The following POR variants were observed in gnomAD, a reference collection of about 807,000 sequenced individuals.
POR encodes the protein NADPH--cytochrome P450 reductase.
In POR, 56 loss-of-function variants were observed where a neutral mutation model predicts 84.0. The observed-to-expected ratio is 0.67, with a 90% CI of 0.54 to 0.83. The LOEUF (loss-of-function observed/expected upper bound fraction) is 0.83, where lower values mean the gene tolerates loss of function less well. POR is among the 40% of genes least tolerant of loss of function. POR has a pLI of 0.00. For missense variants in POR, 938 were observed against 944.3 expected (o/e 0.99, Z 0.09); for synonymous variants, 414 against 400.5 (o/e 1.03, Z -0.40).
Position 75,981,550 on chromosome 7 carries a change from G to A in POR, c.675G>A (p.Gln225=). 1 of 1,613,154 alleles carries A rather than the reference G, an allele frequency of 6.2e-7. No homozygotes were observed. The highest frequency in any genetic ancestry group is 8.5e-7 in the Non-Finnish European group (1 of 1,179,740). Reference sequence around the variant, plus strand: ...AGGACTTCATCACCTGGCGAGAGCAGTTCTGGCCGGCCGTGTGTGAACACT... The same window carrying A: ...AGGACTTCATCACCTGGCGAGAGCAATTCTGGCCGGCCGTGTGTGAACACT... The change falls in exon 7 of 16, where the codon CAG becomes CAA. Residue 225 remains glutamine (Q), a synonymous_variant. Transcript: ENST00000461988.
intron 3 of POR, among the ~76,000 whole-genome samples, chr7:75,977,467 A>C (rs1788747311): frequency 6.6e-6 from 1 of 152,196 alleles, no homozygotes; most frequent in Non-Finnish European, 1.5e-5. Flanking sequence ...CAGTCTGGCT[A>C]CCAAAACTAT....
At chr7:75,977,055 G>C (rs1296265899) in intron 3 of POR, among the ~76,000 whole-genome samples, 3 of 152,124 alleles carry the variant, frequency 2.0e-5, no homozygotes, top group Non-Finnish European at 4.4e-5. Context: ...GTTTTGCCAT[G>C]TTGCCCAGGC....
chr7:75,945,745 G>C (rs1223614334), intron 1 of POR, among the ~76,000 whole-genome samples: 1 of 152,134 alleles, frequency 6.6e-6, no homozygotes, highest in Non-Finnish European at 1.5e-5. Flanking sequence ...ACAGCTAAAG[G>C]GTTGACTAAA....
At chr7:75,954,595 G>A (rs1554553481) in intron 2 of POR, among the ~76,000 whole-genome samples, 4 of 151,870 alleles carry the variant, frequency 2.6e-5, no homozygotes, top group African/African-American at 7.3e-5. Flanking sequence ...GTGCAATGGC[G>A]GTGGCACGAT....
chr7:75,972,246 G>C (rs568516823), intron 2 of POR, among the ~76,000 whole-genome samples, 167 bp from the exon 3 acceptor site: 1 of 152,150 alleles, frequency 6.6e-6, no homozygotes, highest in East Asian at 1.9e-4. Flanking sequence ...TTAGAGGCCA[G>C]CTGCTGGCTT....
intron 3 of POR, among the ~76,000 whole-genome samples, chr7:75,976,046 T>A (rs1028660306): frequency 6.6e-5 from 10 of 151,966 alleles, no homozygotes; most frequent in Non-Finnish European, 1.3e-4. Context: ...ATAATCGGGG[T>A]GCTTTTCCAT....
At chr7:75,984,456 C>T (rs560718407) in intron 10 of POR, among the ~76,000 whole-genome samples, 79 of 152,288 alleles carry the variant, frequency 5.2e-4, no homozygotes, top group Middle Eastern at 3.4e-3. Flanking sequence ...TTCCACAGCC[C>T]GCCTGTAGGG....
At chr7:75,966,236 T>G (rs1426518793) in intron 2 of POR, among the ~76,000 whole-genome samples, 1 of 152,040 alleles carries the variant, frequency 6.6e-6, no homozygotes, top group Non-Finnish European at 1.5e-5. Context: ...TGCTTTCACC[T>G]CCCCCTGCCT....
intron 2 of POR, among the ~76,000 whole-genome samples, chr7:75,963,226 T>C (rs1585113213): frequency 6.6e-6 from 1 of 152,016 alleles, no homozygotes; most frequent in Non-Finnish European, 1.5e-5. Context: ...AAAAGAGAAA[T>C]ACAAATGAGA....
chr7:75,953,190 GCGCCTGC>G (rs1198175346), intron 1 of POR, among the ~76,000 whole-genome samples: 11 of 151,894 alleles, frequency 7.2e-5, no homozygotes, highest in Admixed American at 1.3e-4. Flanking sequence ...GTGGCGGCGC[GCGCCTGC>G]AATCGCAGGC....
At chr7:75,934,530 G>A (rs144097306) in intron 1 of POR, among the ~76,000 whole-genome samples, 848 of 152,266 alleles carry the variant, frequency 5.6e-3, no homozygotes, top group South Asian at 0.014. Flanking sequence ...TTGCTAGAGC[G>A]ATTTGTAGAT....
intron 1 of POR, among the ~76,000 whole-genome samples, chr7:75,926,021 TTTCTCTCTC>T (rs1318739912): frequency 6.9e-6 from 1 of 145,602 alleles, no homozygotes; most frequent in African/African-American, 2.8e-5. Context: ...TTCTTTCTCT[TTTCTCTCTC>T]TTTTTTTTTT....
chr7:75,923,748 C>T (rs537678986), intron 1 of POR, among the ~76,000 whole-genome samples: 1 of 152,148 alleles, frequency 6.6e-6, no homozygotes, highest in Non-Finnish European at 1.5e-5. Context: ...ATTAGCTGAG[C>T]GTGGTGGCAC....
intron 1 of POR, among the ~76,000 whole-genome samples, chr7:75,918,956 GT>G (rs1241222504): frequency 6.6e-6 from 1 of 151,518 alleles, no homozygotes; most frequent in African/African-American, 2.4e-5. Flanking sequence ...ATGGGGAGGT[GT>G]TTTAAAAGGT....
chr7:75,980,850 G>C (rs1300994175), intron 5 of POR, 198 bp from the exon 6 acceptor site: 1 of 1,098,040 alleles, frequency 9.1e-7, no homozygotes, highest in Non-Finnish European at 1.3e-6. Flanking sequence ...GGGGCAGGCT[G>C]TGGGCTGCAG....
At chr7:75,937,574 G>A (rs192385535) in intron 1 of POR, among the ~76,000 whole-genome samples, 127 of 151,594 alleles carry the variant, frequency 8.4e-4, no homozygotes, top group Non-Finnish European at 1.6e-3. Context: ...CTGAGGTCAG[G>A]AGTTTGAGAC....
At chr7:75,942,769 A>G (rs938296679) in intron 1 of POR, among the ~76,000 whole-genome samples, 2 of 151,918 alleles carry the variant, frequency 1.3e-5, no homozygotes, top group Non-Finnish European at 2.9e-5. Flanking sequence ...CTTGTGATTC[A>G]TACAATGTTA....
At chr7:75,976,641 G>A (rs1554556873) in intron 3 of POR, among the ~76,000 whole-genome samples, 1 of 151,482 alleles carries the variant, frequency 6.6e-6, no homozygotes, top group East Asian at 1.9e-4. Flanking sequence ...CAGCTATTCA[G>A]GAGGCTGAGG....
At chr7:75,947,701 T>G (rs1338630803) in intron 1 of POR, among the ~76,000 whole-genome samples, 1 of 152,148 alleles carries the variant, frequency 6.6e-6, no homozygotes, top group Non-Finnish European at 1.5e-5. Flanking sequence ...CCTTGAGTAG[T>G]TATTGCGCCC....
Sources: allele counts gnomAD v4.1 joint callset (sites outside exome capture counted in the v4.1 genomes callset), GRCh38; gene constraint gnomAD v4.1.1; transcripts MANE v1.5; gene names NCBI Gene and HGNC (gene_info 2026-07-23, HGNC 2026-07-21).